The following PHKB variants were observed in gnomAD, a reference collection of about 807,000 sequenced individuals.
PHKB encodes the protein phosphorylase kinase regulatory subunit beta, also known as phosphorylase b kinase regulatory subunit beta.
In PHKB, 122 loss-of-function variants were observed where a neutral mutation model predicts 152.1. That is an observed-to-expected ratio of 0.80 (90% confidence interval 0.69 to 0.93). The LOEUF (loss-of-function observed/expected upper bound fraction) is 0.93, where lower values mean the gene tolerates loss of function less well. PHKB is among the 40% of genes least tolerant of loss of function. The pLI, the probability that PHKB is intolerant of heterozygous loss-of-function variation, is 0.00. For synonymous variants in PHKB, 436 were observed against 464.9 expected (o/e 0.94, Z 0.80); for missense variants, 1,304 against 1,328.4 (o/e 0.98, Z 0.29).
intron 7 of PHKB, among the ~76,000 whole-genome samples, chr16:47,558,015 A>C (rs1476092963): frequency 1.3e-5 from 2 of 151,684 alleles, no homozygotes; most frequent in Non-Finnish European, 2.9e-5. Context: ...CTGGATTAAG[A>C]AAATGTGGCA....
chr16:47,476,622 C>T (rs1299802286), intron 1 of PHKB, among the ~76,000 whole-genome samples: 1 of 152,100 alleles, frequency 6.6e-6, no homozygotes, highest in South Asian at 2.1e-4. Context: ...ATACTTATAC[C>T]TAAGACCTAT....
rs950070970 is a variant in PHKB at position 47,629,836 on chromosome 16, A to G, written c.1459-11199A>G. ...TGGCACATATACACCATGGAATACT[A>G]TGCAGCCATAAAAAATGATGAGTTC... On this transcript the variant is annotated intron_variant, in intron 14 of 30. Transcript: ENST00000323584. Among the ~76,000 whole-genome samples, 30 of 152,188 alleles carry G rather than the reference A, an allele frequency of 2.0e-4. 1 individual carries two copies. Among genetic ancestry groups the G allele is most frequent in the Admixed American group, 1.8e-3 (28 of 15,278 alleles).
intron 14 of PHKB, among the ~76,000 whole-genome samples, chr16:47,624,786 A>G (rs1320467118): frequency 6.6e-6 from 1 of 152,154 alleles, no homozygotes; most frequent in East Asian, 1.9e-4. Flanking sequence ...TGCTTGCACC[A>G]TCTTCATGTC....
chr16:47,673,002 C>T (rs1178505371), intron 26 of PHKB, among the ~76,000 whole-genome samples: 1 of 152,082 alleles, frequency 6.6e-6, no homozygotes, highest in Non-Finnish European at 1.5e-5. Flanking sequence ...GGAATTGTGG[C>T]ATTATATTCT....
chr16:47,591,129 T>C (rs1451629050), intron 10 of PHKB, among the ~76,000 whole-genome samples: 1 of 152,154 alleles, frequency 6.6e-6, no homozygotes, highest in Non-Finnish European at 1.5e-5. Context: ...TTTTTTCTCC[T>C]CATCTCCATT....
At chr16:47,544,271 G>T (rs1288008002) in intron 6 of PHKB, among the ~76,000 whole-genome samples, 4 of 152,156 alleles carry the variant, frequency 2.6e-5, no homozygotes, top group Non-Finnish European at 1.5e-5. Flanking sequence ...GTGTCCCAGA[G>T]ATTCTGTTAC....
intron 26 of PHKB, among the ~76,000 whole-genome samples, chr16:47,674,636 A>G (rs1189623471): frequency 6.6e-6 from 1 of 152,214 alleles, no homozygotes; most frequent in African/African-American, 2.4e-5. Context: ...ATATTTTGTC[A>G]TACTTTCAAG....
chr16:47,567,059 A>G (rs183613446), intron 7 of PHKB, among the ~76,000 whole-genome samples: 1 of 152,278 alleles, frequency 6.6e-6, no homozygotes, highest in East Asian at 1.9e-4. Context: ...GCTTTGGATT[A>G]CTTTGACTAT....
intron 14 of PHKB, among the ~76,000 whole-genome samples, chr16:47,613,166 C>T (rs184831380): frequency 1.1e-4 from 17 of 152,276 alleles, no homozygotes; most frequent in Admixed American, 3.9e-4. Flanking sequence ...CACTAGAGGA[C>T]TCACAGAACT....
chr16:47,540,164 C>A (rs1451247961), intron 6 of PHKB, among the ~76,000 whole-genome samples: 1 of 152,106 alleles, frequency 6.6e-6, no homozygotes, highest in Non-Finnish European at 1.5e-5. Context: ...GTGGGAGTGT[C>A]TGTCTTATGT....
In PHKB at chr16:47,547,496, G is replaced by A. The variant is rs1490417658; in HGVS notation, c.658G>A (p.Val220Ile). The A allele has an allele frequency of 6.2e-7, 1 of 1,613,200 alleles. No individual in the cohort carries two copies. The highest frequency in any genetic ancestry group is 1.1e-5 in the South Asian group (1 of 91,052). Residue 220 changes from valine (V) to isoleucine (I), a missense_variant, in exon 7 of 31, where the codon GTC becomes ATC. Coordinates refer to ENST00000323584, the MANE Select transcript of PHKB (RefSeq NM_000293.3). ...AGTTTACCGTGTGCCTGACTTTGGT[G>A]TCTGGGAAAGAGGAAGCAAATATAA... The part of the protein sequence containing the change: ...ERVYRVPDFG[V>I]WERGSKYNNG...
rs904349233 is a variant in PHKB, at chr16:47,663,576, T to C, written c.2279-101T>C. On this transcript the variant is annotated intron_variant, in intron 23 of 30. Transcript: ENST00000323584. ...AACATTAATGGATCGATGTATCAACTCTAGTGAAGCACAGTGAAAATGAGT... is the reference window on the plus strand; with the variant it reads ...AACATTAATGGATCGATGTATCAACCCTAGTGAAGCACAGTGAAAATGAGT... 21 of 902,748 alleles carry C rather than the reference T, an allele frequency of 2.3e-5. 1 individual carries two copies. The highest frequency in any genetic ancestry group is 1.0e-4 in the East Asian group (4 of 39,538). 55.9% of individuals were successfully genotyped at this position (902,748 alleles called of 1,614,324 possible).
intron 6 of PHKB, among the ~76,000 whole-genome samples, chr16:47,522,585 G>A (rs1212622829): frequency 6.7e-6 from 1 of 149,370 alleles, no homozygotes; most frequent in Non-Finnish European, 1.5e-5. Context: ...GGTTGGTTTA[G>A]GTTCATTTTT....
rs766617527 is a variant in PHKB, at chr16:47,696,492, A to G, written c.3003+4A>G. ...GTACAGACAGATCGTTGTAGAGGTG[A>G]GTAGTAAGAAATGAAGATTGCTGAA... On this transcript the variant is annotated splice_donor_region_variant and intron_variant, in intron 29 of 30. Transcript: ENST00000323584. 2.3e-5 allele frequency: 35 copies of G among 1,491,242 alleles called. No individual in the cohort carries two copies. In the East Asian group the frequency reaches 7.7e-4, roughly 33 times the overall value. The allele number at this position is 1,491,242 out of a possible 1,614,324, so 92.4% of individuals were successfully genotyped here. A position where few individuals can be genotyped will look rare whatever the true frequency, so the allele number is the denominator to read the frequency against.
chr16:47,578,641 G>A (rs1467573326), intron 7 of PHKB, among the ~76,000 whole-genome samples: 1 of 152,132 alleles, frequency 6.6e-6, no homozygotes, highest in Non-Finnish European at 1.5e-5. Flanking sequence ...TTATAGGGCA[G>A]GAGAAAAGGT....
At position 47,526,180 on chromosome 16, in the gene PHKB, C is replaced by T. The variant is rs117934197; in HGVS notation, c.594+10579C>T. On this transcript the variant is annotated intron_variant, in intron 6 of 30. Transcript: ENST00000323584. ...ATCCCAGCACTTTGGGAGGCCAAGG[C>T]GGATGGATATCTGAGGTCAGGAGTT... 5.1e-4 allele frequency among the ~76,000 whole-genome samples: 77 copies of T among 152,122 alleles called. 1 individual carries two copies. The East Asian group carries it at 0.012, about 24-fold the overall frequency.
chr16:47,509,434 T>C (rs1349170091), intron 4 of PHKB, among the ~76,000 whole-genome samples: 1 of 152,192 alleles, frequency 6.6e-6, no homozygotes, highest in East Asian at 1.9e-4. Flanking sequence ...AGGGCTGTAT[T>C]TGTTTGTGTA....
chr16:47,468,911 G>A (rs138989132), intron 1 of PHKB, among the ~76,000 whole-genome samples: 1 of 152,212 alleles, frequency 6.6e-6, no homozygotes, highest in Non-Finnish European at 1.5e-5. Flanking sequence ...TGGGTAGCTT[G>A]TTCCTTCTGG....
At position 47,648,395 on chromosome 16, in the gene PHKB, C is replaced by A. The variant is rs927362116; in HGVS notation, c.1609-138C>A. On this transcript the variant is annotated intron_variant, in intron 16 of 30. Coordinates refer to ENST00000323584, the MANE Select transcript of PHKB (RefSeq NM_000293.3). The stretch of plus-strand genomic sequence containing the variant: ...AAGTTGACATCTTTGGTTAGCTTGT[C>A]TTCCTACAAGTTTTTGGATTAGGGT... 7.5e-5 allele frequency: 53 copies of A among 710,686 alleles called. 1 individual carries two copies. The highest frequency in any genetic ancestry group is 6.1e-4 in the Admixed American group (32 of 52,050). The allele number at this position is 710,686 out of a possible 1,614,324, so 44.0% of individuals were successfully genotyped here.
Sources: gnomAD v4.1 joint callset for allele counts (sites outside exome capture counted in the v4.1 genomes callset) on GRCh38, gnomAD v4.1.1 for gene constraint, MANE v1.5 for transcripts, NCBI Gene and HGNC (gene_info 2026-07-23, HGNC 2026-07-21) for gene names.